Variants in TTK observed in about 807,000 individuals in gnomAD.
The protein encoded by TTK is dual specificity protein kinase TTK.
Under a neutral mutation model 117.3 loss-of-function variants are expected in TTK, and 59 were observed. That is an observed-to-expected ratio of 0.50 (90% CI 0.41 to 0.62). The LOEUF is 0.62. Ranked by LOEUF, TTK falls within the 20% of genes least tolerant of loss-of-function variation. The pLI, the probability that TTK is intolerant of heterozygous loss-of-function variation, is 0.00. For missense variants in TTK, 921 were observed against 989.4 expected, an observed-to-expected ratio of 0.93 and a Z score of 0.93; for synonymous variants, 302 against 325.0, an observed-to-expected ratio of 0.93 and a Z score of 0.76.
intron 11 of TTK, among the ~76,000 whole-genome samples, chr6:80,023,203 C>A (rs998846823): frequency 7.2e-5 from 11 of 152,100 alleles, no homozygotes; most frequent in African/African-American, 2.7e-4. Flanking sequence ...TTATCAGTGC[C>A]CCTAAAGAGC....
Position 80,007,908 on chromosome 6 carries a change from G to A in TTK, c.239G>A (p.Ser80Asn), listed in dbSNP as rs1767038155. The A allele has an allele frequency of 1.2e-6, 2 of 1,613,598 alleles. No homozygotes were observed. Among genetic ancestry groups the A allele is most frequent in the Non-Finnish European group, 1.7e-6 (2 of 1,179,644 alleles). The change falls in exon 3 of 22, where the codon AGT (serine) becomes AAT (asparagine). Residue 80 changes from serine (S) to asparagine (N), a missense_variant. By Grantham distance (46) the Ser-to-Asn change is conservative. Coordinates refer to ENST00000369798, the MANE Select transcript of TTK (RefSeq NM_003318.5). ...LKLEKNSVPL[S>N]DALLNKLIGR... ...CTAGAGAAAAACAGTGTTCCGCTAA[G>A]TGATGCTCTTTTAAATAAATTGATT...
chr6:80,028,269 T>C (rs1375594041), intron 13 of TTK, among the ~76,000 whole-genome samples: 1 of 151,678 alleles, frequency 6.6e-6, no homozygotes, highest in Non-Finnish European at 1.5e-5. Context: ...ATTTCTCTTA[T>C]GAATCAAGGT....
At chr6:80,019,874 AC>A (rs1216725970) in intron 10 of TTK, among the ~76,000 whole-genome samples, 1 of 152,202 alleles carries the variant, frequency 6.6e-6, no homozygotes, top group Non-Finnish European at 1.5e-5. Flanking sequence ...ATAAACTCAG[AC>A]AAAAATGTAT....
Position 80,007,998 on chromosome 6 carries a change from CTAGAATTCAAGTGAGATTTGCTGAAT to C in TTK, c.332_357del (p.Arg111LysfsTer8). 1 of 1,613,306 alleles carries C rather than the reference CTAGAATTCAAGTGAGATTTGCTGAAT, an allele frequency of 6.2e-7. No individual in the cohort carries two copies. The highest frequency in any genetic ancestry group is 8.5e-7 in the Non-Finnish European group (1 of 1,179,522). ...AAATATGGCCAAAATGAGAGTTTTG[CTAGAATTCAAGTGAGATTTGCTGAAT>C]TAAAAGCGTAAGTATTAGCATTTTA... On this transcript the variant is annotated frameshift_variant, in exon 3 of 22. Transcript: ENST00000369798. LOFTEE classifies it high-confidence loss of function.
chr6:80,007,992 GTT>G lies in TTK; in HGVS notation c.326_327del (p.Phe109CysfsTer2). ...CCAGATAAATATGGCCAAAATGAGA[GTT>G]TTGCTAGAATTCAAGTGAGATTTGC... On this transcript the variant is annotated frameshift_variant, in exon 3 of 22. Transcript: ENST00000369798. LOFTEE classifies it high-confidence loss of function. The G allele has an allele frequency of 1.3e-4, 179 of 1,364,426 alleles. No individual in the cohort carries two copies. Among genetic ancestry groups the G allele is most frequent in the Non-Finnish European group, 1.7e-4 (162 of 970,350 alleles). 84.5% of individuals were successfully genotyped at this position (1,364,426 alleles called of 1,614,324 possible).
In TTK at chr6:80,014,490, C is replaced by A. The variant is rs1188347192; in HGVS notation, c.1012C>A (p.Pro338Thr). Residue 338 changes from proline to threonine, a missense_variant, in exon 10 of 22, where the codon CCT becomes ACT. By Grantham distance (38) the Pro-to-Thr change is conservative. Coordinates refer to ENST00000369798, the MANE Select transcript of TTK (RefSeq NM_003318.5). ...TGTTCAAAATAGTCATTTCAAGGAA[C>A]CTCTGGTGTCAGATGAAAAGAGTTC... ...KSVQNSHFKE[P>T]LVSDEKSSEL... The A allele has an allele frequency of 1.2e-6, 2 of 1,608,274 alleles. No homozygotes were observed. The highest frequency in any genetic ancestry group is 2.7e-5 in the African/African-American group (2 of 74,630).
At chr6:80,040,026 A>G (rs1029428329) in intron 19 of TTK, among the ~76,000 whole-genome samples, 154 bp downstream of exon 19, 3 of 151,926 alleles carry the variant, frequency 2.0e-5, no homozygotes, top group Admixed American at 2.0e-4. Flanking sequence ...GCTTGTAAAT[A>G]CTTGGGGATT....
intron 10 of TTK, among the ~76,000 whole-genome samples, chr6:80,020,226 C>T (rs1056725648): frequency 6.6e-6 from 1 of 152,152 alleles, no homozygotes; most frequent in East Asian, 1.9e-4. Context: ...ACCTTGTTTG[C>T]CCTGATAGGT....
At chr6:80,040,398 C>A in intron 20 of TTK, 118 bp downstream of exon 20, 1 of 976,886 alleles carries the variant, frequency 1.0e-6, no homozygotes. Context: ...TGCCTTTTTC[C>A]TTAAGGAAGT....
chr6:80,023,695 A>G (rs1414808625), intron 11 of TTK, among the ~76,000 whole-genome samples: 1 of 152,242 alleles, frequency 6.6e-6, no homozygotes, highest in Non-Finnish European at 1.5e-5. Context: ...TACAGTGGGA[A>G]GAGTAGCACT....
chr6:80,014,165 C>CT (rs1450882599), intron 9 of TTK, among the ~76,000 whole-genome samples: 1 of 152,130 alleles, frequency 6.6e-6, no homozygotes, highest in Non-Finnish European at 1.5e-5. Context: ...GAGGCATACT[C>CT]TATGTTGAAT....
chr6:80,014,716 G>A (rs542457841), intron 10 of TTK, 130 bp downstream of exon 10: 147 of 991,368 alleles, frequency 1.5e-4, no homozygotes, highest in Non-Finnish European at 1.8e-4. Context: ...TTGAATTTCC[G>A]TTCAGTTATA....
At chr6:80,015,227 C>G (rs1282935047) in intron 10 of TTK, among the ~76,000 whole-genome samples, 1 of 152,132 alleles carries the variant, frequency 6.6e-6, no homozygotes, top group African/African-American at 2.4e-5. Context: ...GAGGATAACA[C>G]AGACAACGAG....
rs1284693671 is a variant in TTK at position 80,008,419 on chromosome 6, T to C, written c.396T>C (p.Phe132=). The C allele has an allele frequency of 1.2e-6, 2 of 1,612,436 alleles. No homozygotes were observed. Among genetic ancestry groups the C allele is most frequent in the African/African-American group, 1.3e-5 (1 of 74,870 alleles). The change falls in exon 4 of 22, where the codon TTT becomes TTC. Residue 132 remains phenylalanine (F), a synonymous_variant. Coordinates refer to ENST00000369798, the MANE Select transcript of TTK (RefSeq NM_003318.5). ...AGCCAGATGATGCACGTGACTACTT[T>C]CAAATGGCCAGAGCAAACTGCAAGA... is the stretch of plus-strand genomic sequence containing the variant. The part of the protein sequence containing the change: ...IQEPDDARDY[F]QMARANCKKF...
chr6:80,041,107 C>T (rs1159893731), intron 21 of TTK, among the ~76,000 whole-genome samples: 2 of 151,740 alleles, frequency 1.3e-5, no homozygotes, highest in Non-Finnish European at 1.5e-5. Context: ...GCAATCAACA[C>T]AATTCTCAAA....
At position 80,014,589 on chromosome 6, in the gene TTK, A is replaced by G. The variant is rs771307883; in HGVS notation, c.1108+3A>G. Reference sequence around the variant, plus strand: ...AAGTCTTCTAGCTAAATTAGAAGGTAAGAGTAACAAAATCAGTAGACTTGT... The same window carrying G: ...AAGTCTTCTAGCTAAATTAGAAGGTGAGAGTAACAAAATCAGTAGACTTGT... On this transcript the variant is annotated splice_donor_region_variant and intron_variant, in intron 10 of 21. Coordinates refer to ENST00000369798, the MANE Select transcript of TTK (RefSeq NM_003318.5). 5.0e-6 allele frequency: 8 copies of G among 1,595,078 alleles called. No homozygotes were observed. Among genetic ancestry groups the G allele is most frequent in the Admixed American group, 3.5e-5 (2 of 56,682 alleles).
At chr6:80,023,453 T>C (rs961812953) in intron 11 of TTK, among the ~76,000 whole-genome samples, 4 of 151,576 alleles carry the variant, frequency 2.6e-5, no homozygotes, top group East Asian at 3.9e-4. Flanking sequence ...ATTAGCCGGG[T>C]GTGGTGGTGG....
Position 80,026,614 on chromosome 6 carries a change from C to G in TTK, c.1394+100C>G, listed in dbSNP as rs1196651139. 3.4e-6 allele frequency: 5 copies of G among 1,474,842 alleles called. No homozygotes were observed. In the African/African-American group the frequency reaches 7.2e-5, roughly 21 times the overall value. 91.4% of individuals were successfully genotyped at this position (1,474,842 alleles called of 1,614,324 possible). A position where few individuals can be genotyped will look rare whatever the true frequency, so the allele number is the denominator to read the frequency against. On this transcript the variant is annotated intron_variant, in intron 12 of 21. Coordinates refer to ENST00000369798, the MANE Select transcript of TTK (RefSeq NM_003318.5). ...TCTGGGATTAAATCCTGCTCTTTTA[C>G]TTTAAAGACTTTCCATCTTCATATT...
At position 80,040,294 on chromosome 6, in the gene TTK, A is replaced by G; in HGVS notation, c.2392+14A>G. Reference sequence around the variant, plus strand: ...AAACTCATCCAGGTACTACTTCTTTAAAAATTTGTTTATTACTAGATTGGT... The same window carrying G: ...AAACTCATCCAGGTACTACTTCTTTGAAAATTTGTTTATTACTAGATTGGT... On this transcript the variant is annotated intron_variant, in intron 20 of 21. Transcript: ENST00000369798. 1 of 1,562,196 alleles carries G rather than the reference A, an allele frequency of 6.4e-7. No homozygotes were observed. The highest frequency in any genetic ancestry group is 8.6e-7 in the Non-Finnish European group (1 of 1,157,970).
Sources: allele counts gnomAD v4.1 joint callset (sites outside exome capture counted in the v4.1 genomes callset), GRCh38; gene constraint gnomAD v4.1.1; transcripts MANE v1.5; gene names NCBI Gene and HGNC (gene_info 2026-07-23, HGNC 2026-07-21).